Variants in NKAIN3 observed in about 807,000 individuals in gnomAD.
NKAIN3 encodes the protein sodium/potassium-transporting ATPase subunit beta-1-interacting protein 3.
NKAIN3 carries 25 observed loss-of-function variants against 30.2 expected under a neutral mutation model. The ratio of observed to expected loss-of-function variants is 0.83; its 90% CI spans 0.60 to 1.16. NKAIN3 has a LOEUF of 1.16. Ranked by LOEUF, NKAIN3 falls within the 50% of genes most tolerant of loss-of-function variation. The pLI is 0.00. For missense variants in NKAIN3, 225 were observed against 254.1 expected, an observed-to-expected ratio of 0.89 and a Z score of 0.78; for synonymous variants, 91 against 89.6, an observed-to-expected ratio of 1.02 and a Z score of -0.09.
At position 62,667,374 on chromosome 8, in the gene NKAIN3, T is replaced by A. The variant is rs1194472158; in HGVS notation, c.273+77580T>A. On this transcript the variant is annotated intron_variant, in intron 3 of 6. Transcript: ENST00000623646. ...ATATATATATCTGTATATATATATA[T>A]AAATATATATATATATAAAGAAATT... 1.5e-3 allele frequency among the ~76,000 whole-genome samples: 210 copies of A among 140,296 alleles called. 1 individual carries two copies. Among genetic ancestry groups the A allele is most frequent in the East Asian group, 0.011 (53 of 4,890 alleles). 92.0% of individuals were successfully genotyped at this position (140,296 alleles called of 152,430 possible).
chr8:62,935,030 G>A (rs1822741096), intron 5 of NKAIN3, among the ~76,000 whole-genome samples: 1 of 152,076 alleles, frequency 6.6e-6, no homozygotes, highest in Admixed American at 6.5e-5. Flanking sequence ...TTTCCTAAGA[G>A]ACCTTTATGC....
intron 5 of NKAIN3, among the ~76,000 whole-genome samples, chr8:62,934,035 G>C (rs762548478): frequency 9.9e-5 from 15 of 152,168 alleles, no homozygotes; most frequent in Non-Finnish European, 1.9e-4. Context: ...AGCACAATTT[G>C]TGTGTCTTTA....
At chr8:62,538,086 C>A (rs961891094) in intron 1 of NKAIN3, among the ~76,000 whole-genome samples, 3 of 152,038 alleles carry the variant, frequency 2.0e-5, no homozygotes, top group African/African-American at 7.2e-5. Context: ...AAAACAGAGC[C>A]CTGAGGAGCT....
chr8:62,257,529 T>A (rs572401180), intron 1 of NKAIN3, among the ~76,000 whole-genome samples: 1 of 152,282 alleles, frequency 6.6e-6, no homozygotes, highest in East Asian at 1.9e-4. Context: ...CTTCCTTAAG[T>A]GGAAACTTCA....
At chr8:62,991,826 TC>T (rs1824325826) in intron 5 of NKAIN3, among the ~76,000 whole-genome samples, 1 of 152,140 alleles carries the variant, frequency 6.6e-6, no homozygotes, top group Non-Finnish European at 1.5e-5. Flanking sequence ...ATTGAACGTG[TC>T]TTTAAGGGAC....
chr8:62,380,935 T>A (rs569260350), intron 1 of NKAIN3, among the ~76,000 whole-genome samples: 70 of 152,046 alleles, frequency 4.6e-4, no homozygotes, highest in African/African-American at 1.6e-3. Context: ...TGGTAATGGA[T>A]TTTTTTTCCC....
chr8:62,990,198 T>A, intron 5 of NKAIN3: 1 of 1,538,376 alleles, frequency 6.5e-7, no homozygotes, highest in Non-Finnish European at 8.8e-7. Context: ...TGCAAACATC[T>A]TTTTATCCAG....
chr8:62,494,450 G>A (rs1012507044), intron 1 of NKAIN3, among the ~76,000 whole-genome samples: 4 of 152,114 alleles, frequency 2.6e-5, no homozygotes, highest in African/African-American at 9.7e-5. Context: ...TTGCATCAAT[G>A]TTCATCAAGA....
In NKAIN3 at chr8:62,973,063, T is replaced by G. The variant is rs4637820; in HGVS notation, c.*7656T>G. 0.11 allele frequency among the ~76,000 whole-genome samples: 16,311 copies of G among 152,176 alleles called. 914 individuals carry two copies. The highest frequency in any genetic ancestry group is 0.17 in the South Asian group (828 of 4,818). ...ATATGTGCCACATTTTCTTTATCCG[T>G]TCTAACATTGATGGGCATTTGGGTT... On this transcript the variant is annotated 3_prime_UTR_variant, in exon 7 of 7. Coordinates refer to ENST00000623646, the MANE Select transcript of NKAIN3 (RefSeq NM_001304533.3).
At chr8:62,593,144 A>G (rs533835547) in intron 3 of NKAIN3, among the ~76,000 whole-genome samples, 46 of 152,166 alleles carry the variant, frequency 3.0e-4, no homozygotes, top group African/African-American at 1.0e-3. Context: ...TATATTTTCT[A>G]TTCATGTGCA....
intron 1 of NKAIN3, among the ~76,000 whole-genome samples, chr8:62,540,265 C>G (rs1808797334): frequency 6.6e-6 from 1 of 152,140 alleles, no homozygotes; most frequent in African/African-American, 2.4e-5. Context: ...TTATACAATT[C>G]ACTAGTAAAT....
chr8:62,931,941 TCCTGTACG>T (rs1822630473), intron 5 of NKAIN3, among the ~76,000 whole-genome samples: 1 of 152,234 alleles, frequency 6.6e-6, no homozygotes, highest in Non-Finnish European at 1.5e-5. Context: ...GGCTGCTAAC[TCCTGTACG>T]CATTGAAATG....
At chr8:62,359,317 C>G (rs891193674) in intron 1 of NKAIN3, among the ~76,000 whole-genome samples, 1 of 152,236 alleles carries the variant, frequency 6.6e-6, no homozygotes, top group African/African-American at 2.4e-5. Flanking sequence ...GGTTTAGAAA[C>G]CATTGAGACA....
Position 62,741,412 on chromosome 8 carries a change from AAGGAAGGAAGGCAGGC to A in NKAIN3, c.274-5518_274-5503del, listed in dbSNP as rs1390442252. 8.1e-3 allele frequency among the ~76,000 whole-genome samples: 1,078 copies of A among 133,908 alleles called. 11 individuals carry two copies. Among genetic ancestry groups the A allele is most frequent in the African/African-American group, 0.032 (974 of 30,228 alleles). The allele number at this position is 133,908 out of a possible 152,430, so 87.8% of individuals were successfully genotyped here. On this transcript the variant is annotated intron_variant, in intron 3 of 6. Coordinates refer to ENST00000623646, the MANE Select transcript of NKAIN3 (RefSeq NM_001304533.3). The stretch of plus-strand genomic sequence containing the variant: ...GAAGGAAGGAAGGAAGGAAGGAAGG[AAGGAAGGAAGGCAGGC>A]AAGCAAGCAAGCACACTCCAACCTT...
chr8:62,272,910 C>T (rs1812822300), intron 1 of NKAIN3, among the ~76,000 whole-genome samples: 1 of 152,186 alleles, frequency 6.6e-6, no homozygotes, highest in South Asian at 2.1e-4. Context: ...TGTTGTCAGT[C>T]TGAGAATCCA....
chr8:62,550,070 A>G (rs1236196580), intron 1 of NKAIN3, among the ~76,000 whole-genome samples: 5 of 151,892 alleles, frequency 3.3e-5, no homozygotes, highest in Admixed American at 2.6e-4. Context: ...AACTCTTACA[A>G]TTATAATACA....
chr8:62,524,219 C>A (rs562866819), intron 1 of NKAIN3, among the ~76,000 whole-genome samples: 5 of 138,946 alleles, frequency 3.6e-5, no homozygotes, highest in South Asian at 2.5e-4. Flanking sequence ...GTCCACCCCC[C>A]ACCAAAATAT....
intron 5 of NKAIN3, among the ~76,000 whole-genome samples, chr8:62,919,457 G>C (rs1310657290): frequency 6.6e-6 from 1 of 151,648 alleles, no homozygotes; most frequent in Non-Finnish European, 1.5e-5. Context: ...GTGTTAGCCA[G>C]GATGGTCTCG....
chr8:62,623,105 T>C (rs1047450360), intron 3 of NKAIN3, among the ~76,000 whole-genome samples: 3 of 151,906 alleles, frequency 2.0e-5, no homozygotes, highest in Non-Finnish European at 4.4e-5. Flanking sequence ...TGAGTGAAAA[T>C]AAACTACAGT....
Sources: allele counts gnomAD v4.1 joint callset (sites outside exome capture counted in the v4.1 genomes callset), GRCh38; gene constraint gnomAD v4.1.1; transcripts MANE v1.5; gene names NCBI Gene and HGNC (gene_info 2026-07-23, HGNC 2026-07-21).